The following CNBD1 variants were observed in gnomAD, a reference collection of about 807,000 sequenced individuals.
The protein encoded by CNBD1 is cyclic nucleotide-binding domain-containing protein 1.
A neutral mutation model predicts 54.4 loss-of-function variants in CNBD1; 71 were observed. The ratio of observed to expected loss-of-function variants is 1.30; its 90% CI spans 1.08 to 1.59. CNBD1 has a LOEUF of 1.59. Ranked by LOEUF, CNBD1 falls within the 40% of genes most tolerant of loss-of-function variation. The pLI is 0.00. For synonymous variants in CNBD1, 182 were observed against 170.7 expected, an observed-to-expected ratio of 1.07 and a Z score of -0.51; for missense variants, 659 against 518.0, an observed-to-expected ratio of 1.27 and a Z score of -2.64.
intron 4 of CNBD1, among the ~76,000 whole-genome samples, chr8:86,983,066 T>C (rs1363974112): frequency 6.6e-6 from 1 of 152,232 alleles, no homozygotes; most frequent in Non-Finnish European, 1.5e-5. Flanking sequence ...TGCTGAGTGA[T>C]ATGGTTTGGG....
At chr8:87,134,594 CTTTTTT>C (rs1167232265) in intron 4 of CNBD1, among the ~76,000 whole-genome samples, 9 of 86,962 alleles carry the variant, frequency 1.0e-4, no homozygotes, top group South Asian at 3.9e-4. Flanking sequence ...ATTAGATTAC[CTTTTTT>C]TTTTTTTTTT....
At chr8:87,071,630 G>A (rs1260771736) in intron 4 of CNBD1, among the ~76,000 whole-genome samples, 1 of 152,100 alleles carries the variant, frequency 6.6e-6, no homozygotes, top group Non-Finnish European at 1.5e-5. Context: ...GTAGTGGAAT[G>A]AATATATTAA....
At chr8:87,161,428 A>C (rs113021454) in intron 4 of CNBD1, among the ~76,000 whole-genome samples, 2 of 152,108 alleles carry the variant, frequency 1.3e-5, no homozygotes, top group Admixed American at 6.6e-5. Context: ...CTGATACTTC[A>C]CAATCTGTTC....
At chr8:87,028,974 G>A (rs1809717581) in intron 4 of CNBD1, among the ~76,000 whole-genome samples, 1 of 152,102 alleles carries the variant, frequency 6.6e-6, no homozygotes, top group Admixed American at 6.5e-5. Context: ...TTTGATATTA[G>A]CCATCCTAAC....
chr8:87,257,387 G>GAAAAAAAAAAAAAAAA (rs1554573274), intron 6 of CNBD1, among the ~76,000 whole-genome samples: 2 of 107,010 alleles, frequency 1.9e-5, no homozygotes, highest in African/African-American at 8.2e-5. Context: ...AAAAAAAAAG[G>GAAAAAAAAAAAAAAAA]AAATGACAAT....
intron 6 of CNBD1, among the ~76,000 whole-genome samples, chr8:87,275,350 A>G (rs545111365): frequency 5.3e-5 from 8 of 151,464 alleles, no homozygotes; most frequent in East Asian, 1.9e-4. Context: ...CATTGAATCT[A>G]TAAATTACCT....
At chr8:87,392,753 T>G (rs974054650) in intron 2 of CNBD1, among the ~76,000 whole-genome samples, 19 of 152,028 alleles carry the variant, frequency 1.2e-4, no homozygotes, top group African/African-American at 3.9e-4. Context: ...CCCAACTCTG[T>G]GAATATAATG....
chr8:86,992,472 G>A (rs905725363), intron 4 of CNBD1, among the ~76,000 whole-genome samples: 1 of 152,016 alleles, frequency 6.6e-6, no homozygotes, highest in Non-Finnish European at 1.5e-5. Flanking sequence ...TTTTCATTCA[G>A]AGTTAGTATT....
intron 4 of CNBD1, among the ~76,000 whole-genome samples, chr8:87,155,724 T>A (rs1812699799): frequency 6.6e-6 from 1 of 152,212 alleles, no homozygotes; most frequent in Admixed American, 6.5e-5. Flanking sequence ...CCTGTCTGCA[T>A]TCCAGAGACA....
At position 87,179,173 on chromosome 8, in the gene CNBD1, T is replaced by C. The variant is rs568369912; in HGVS notation, c.432-26820T>C. 4.6e-5 allele frequency among the ~76,000 whole-genome samples: 7 copies of C among 152,258 alleles called. No homozygotes were observed. In the South Asian group the frequency reaches 1.5e-3, roughly 32 times the overall value. On this transcript the variant is annotated intron_variant, in intron 4 of 10. Transcript: ENST00000518476. The stretch of plus-strand genomic sequence containing the variant: ...ATCCACCCGCCTTGGCCTCCCAAAA[T>C]AGTTTTTATAAAACAGAAGGATTTA...
intron 3 of CNBD1, among the ~76,000 whole-genome samples, chr8:86,911,124 G>A (rs1680593098): frequency 6.6e-6 from 1 of 152,192 alleles, no homozygotes; most frequent in Non-Finnish European, 1.5e-5. Context: ...AAGGGAAGAT[G>A]GAGCCTCCAT....
intron 5 of CNBD1, among the ~76,000 whole-genome samples, chr8:87,208,633 C>G (rs770383219): frequency 6.6e-6 from 1 of 151,996 alleles, no homozygotes; most frequent in Non-Finnish European, 1.5e-5. Context: ...AGTTACTAAC[C>G]TGTAACAATA....
At chr8:87,192,489 G>A (rs1024357653) in intron 4 of CNBD1, among the ~76,000 whole-genome samples, 2 of 152,272 alleles carry the variant, frequency 1.3e-5, no homozygotes, top group Middle Eastern at 3.4e-3. Context: ...GACTCCCTGA[G>A]ATAAAAATTC....
chr8:87,336,330 C>T (rs1809944477), intron 8 of CNBD1, among the ~76,000 whole-genome samples: 1 of 152,130 alleles, frequency 6.6e-6, no homozygotes, highest in Non-Finnish European at 1.5e-5. Flanking sequence ...CTTTCAGGTA[C>T]TCCAGTTAGT....
At chr8:87,307,295 A>C (rs989532368) in intron 8 of CNBD1, among the ~76,000 whole-genome samples, 1 of 152,216 alleles carries the variant, frequency 6.6e-6, no homozygotes, top group Non-Finnish European at 1.5e-5. Flanking sequence ...GCATTAATTG[A>C]CGTACATGAG....
intron 4 of CNBD1, among the ~76,000 whole-genome samples, chr8:87,075,032 T>C (rs1810839435): frequency 6.6e-6 from 1 of 152,232 alleles, no homozygotes; most frequent in South Asian, 2.1e-4. Flanking sequence ...CTCATCCATA[T>C]ATGGGGTTAG....
intron 2 of CNBD1, among the ~76,000 whole-genome samples, chr8:86,892,193 C>A (rs991235831): frequency 2.0e-5 from 3 of 151,942 alleles, no homozygotes; most frequent in African/African-American, 7.2e-5. Flanking sequence ...TAACTGTAGG[C>A]TTATCATATA....
chr8:87,280,091 G>T (rs894714542), intron 6 of CNBD1, among the ~76,000 whole-genome samples: 1 of 151,502 alleles, frequency 6.6e-6, no homozygotes, highest in Non-Finnish European at 1.5e-5. Flanking sequence ...AATGGAATGC[G>T]TTAGGTCCCC....
intron 4 of CNBD1, among the ~76,000 whole-genome samples, chr8:87,127,400 T>C (rs1435898614): frequency 6.6e-6 from 1 of 152,188 alleles, no homozygotes; most frequent in Admixed American, 6.5e-5. Context: ...TCCCTAAGTA[T>C]TTTATAAATT....
Sources: gnomAD v4.1 joint callset for allele counts (sites outside exome capture counted in the v4.1 genomes callset) on GRCh38, gnomAD v4.1.1 for gene constraint, MANE v1.5 for transcripts, NCBI Gene and HGNC (gene_info 2026-07-23, HGNC 2026-07-21) for gene names.